Variants in SLC35F2 observed in about 807,000 individuals in gnomAD.
SLC35F2 encodes solute carrier family 35 member F2, also known as queuine/queuosine transporter SLC35F2.
Under a neutral mutation model 38.1 loss-of-function variants are expected in SLC35F2, and 25 were observed. The ratio of observed to expected loss-of-function variants is 0.66; its 90% CI spans 0.48 to 0.92. The LOEUF (loss-of-function observed/expected upper bound fraction) is 0.92, where lower values mean the gene tolerates loss of function less well. Ranked by LOEUF, SLC35F2 falls within the 40% of genes least tolerant of loss-of-function variation. The pLI is 0.00. For synonymous variants in SLC35F2, 173 were observed against 181.7 expected (o/e 0.95, Z 0.38); for missense variants, 409 against 452.9 (o/e 0.90, Z 0.88).
intron 1 of SLC35F2, among the ~76,000 whole-genome samples, chr11:107,820,378 A>G (rs1859649130): frequency 6.6e-6 from 1 of 151,994 alleles, no homozygotes; most frequent in South Asian, 2.1e-4. Context: ...TCAGAATTGC[A>G]GAACCTTGGC....
intron 7 of SLC35F2, among the ~76,000 whole-genome samples, chr11:107,801,003 C>T (rs965079945): frequency 6.7e-6 from 1 of 148,580 alleles, no homozygotes; most frequent in Non-Finnish European, 1.5e-5. Context: ...CTCTCAGGTT[C>T]AAGCGATTCT....
At position 107,810,699 on chromosome 11, in the gene SLC35F2, A is replaced by G. The variant is rs1176145338; in HGVS notation, c.414+968T>C. On this transcript the variant is annotated intron_variant, in intron 3 of 7. Transcript: ENST00000525815. ...AAAATCCAAGAGGTTTCCTGAGAAC[A>G]ATGCTTAGCACAATGTTACAGAAAA... is the stretch of plus-strand genomic sequence containing the variant. The G allele has an allele frequency of 3.0e-6, 3 of 983,766 alleles. No homozygotes were observed. In the South Asian group the frequency reaches 1.4e-4, roughly 46 times the overall value. 60.9% of individuals were successfully genotyped at this position (983,766 alleles called of 1,614,324 possible).
chr11:107,818,074 AAGAAAG>A (rs1859608372), intron 1 of SLC35F2, among the ~76,000 whole-genome samples: 1 of 67,594 alleles, frequency 1.5e-5, no homozygotes. Flanking sequence ...AAAAAAAAAA[AAGAAAG>A]AAAGAAAGAA....
intron 1 of SLC35F2, among the ~76,000 whole-genome samples, chr11:107,817,325 C>T (rs553253868): frequency 4.0e-5 from 6 of 151,568 alleles, no homozygotes; most frequent in Admixed American, 1.3e-4. Context: ...AAGAGCTGGA[C>T]GGGAAAGACT....
chr11:107,837,290 T>A (rs1591204377), intron 1 of SLC35F2, among the ~76,000 whole-genome samples: 1 of 152,174 alleles, frequency 6.6e-6, no homozygotes, highest in Non-Finnish European at 1.5e-5. Context: ...TCTGGCAGCA[T>A]TTAAGTCTTT....
chr11:107,798,265 A>C (rs540630333), intron 7 of SLC35F2, among the ~76,000 whole-genome samples: 1 of 152,284 alleles, frequency 6.6e-6, no homozygotes, highest in East Asian at 1.9e-4. Flanking sequence ...CAGTCTCCCA[A>C]AGTGCTGGGA....
At chr11:107,822,758 G>A (rs1859693552) in intron 1 of SLC35F2, among the ~76,000 whole-genome samples, 1 of 152,090 alleles carries the variant, frequency 6.6e-6, no homozygotes, top group African/African-American at 2.4e-5. Flanking sequence ...ACAATAAAAT[G>A]AGAAAGGGTT....
rs1859140643 is a variant in SLC35F2 at position 107,792,008 on chromosome 11, C to T, written c.*607G>A. 1 of 152,036 alleles carries T rather than the reference C, an allele frequency of 6.6e-6. No homozygotes were observed. The highest frequency in any genetic ancestry group is 2.4e-5 in the African/African-American group (1 of 41,366). 9.4% of individuals were successfully genotyped at this position (152,036 alleles called of 1,614,324 possible). On this transcript the variant is annotated 3_prime_UTR_variant, in exon 8 of 8. Transcript: ENST00000525815. Reference sequence around the variant, plus strand: ...ACAAAAAAACAATTGTGGGAAGGTTCCTAGGTTTACTGCACTCCAGTTTAA... The same window carrying T: ...ACAAAAAAACAATTGTGGGAAGGTTTCTAGGTTTACTGCACTCCAGTTTAA...
intron 1 of SLC35F2, among the ~76,000 whole-genome samples, chr11:107,856,706 T>A (rs982356848): frequency 7.0e-6 from 1 of 142,748 alleles, no homozygotes; most frequent in African/African-American, 2.7e-5. Flanking sequence ...GGAAGGAAGG[T>A]GACAGAATGA....
Position 107,836,063 on chromosome 11 carries a change from G to A in SLC35F2, c.111-20098C>T, listed in dbSNP as rs1049043653. On this transcript the variant is annotated intron_variant, in intron 1 of 7. Coordinates refer to ENST00000525815, the MANE Select transcript of SLC35F2 (RefSeq NM_017515.5). ...AGCATGAATGGAGCCTGAACATGCA[G>A]CTCATCCAAAGGAATCAGTATTTTT... Among the ~76,000 whole-genome samples the A allele has an allele frequency of 1.3e-4, 20 of 152,180 alleles. 1 individual carries two copies. Among genetic ancestry groups the A allele is most frequent in the African/African-American group, 4.3e-4 (18 of 41,444 alleles).
intron 1 of SLC35F2, among the ~76,000 whole-genome samples, chr11:107,841,182 G>A (rs1019084081): frequency 6.6e-6 from 1 of 152,150 alleles, no homozygotes; most frequent in Admixed American, 6.6e-5. Flanking sequence ...AATCCGTTAA[G>A]TTGCAATGTG....
Position 107,846,214 on chromosome 11 carries a change from G to GA in SLC35F2, c.110+12443dup, listed in dbSNP as rs34130706. Among the ~76,000 whole-genome samples the GA allele has an allele frequency of 7.5e-3, 1,090 of 144,374 alleles. 13 individuals are homozygous for GA. Among genetic ancestry groups the GA allele is most frequent in the African/African-American group, 0.025 (968 of 39,050 alleles). 94.7% of individuals were successfully genotyped at this position (144,374 alleles called of 152,430 possible). A position where few individuals can be genotyped will look rare whatever the true frequency, so the allele number is the denominator to read the frequency against. ...GGTTCCAGAGATATGATTGGTAACA[G>GA]AAAAAAAAAAATCACATGTGACAAC... On this transcript the variant is annotated intron_variant, in intron 1 of 7. Transcript: ENST00000525815.
chr11:107,816,272 G>A (rs1859572685), intron 1 of SLC35F2: 1 of 978,966 alleles, frequency 1.0e-6, no homozygotes. Flanking sequence ...GCGCACGTGT[G>A]TGTGTGTGTG....
intron 1 of SLC35F2, among the ~76,000 whole-genome samples, chr11:107,837,461 G>A (rs1343999645): frequency 6.6e-6 from 1 of 151,026 alleles, no homozygotes; most frequent in Non-Finnish European, 1.5e-5. Context: ...GCCGAGGCAG[G>A]TGGATCACTT....
chr11:107,804,474 C>T (rs928014330), intron 6 of SLC35F2, among the ~76,000 whole-genome samples: 1 of 152,270 alleles, frequency 6.6e-6, no homozygotes. Flanking sequence ...AATCTCCAGT[C>T]TTGTTCAGGA....
intron 7 of SLC35F2, among the ~76,000 whole-genome samples, chr11:107,793,653 G>A (rs1859168961): frequency 6.6e-6 from 1 of 152,052 alleles, no homozygotes; most frequent in Non-Finnish European, 1.5e-5. Flanking sequence ...AATTTATGGT[G>A]GACTGAGCAG....
chr11:107,850,256 C>G (rs774040158), intron 1 of SLC35F2, among the ~76,000 whole-genome samples: 4 of 152,148 alleles, frequency 2.6e-5, no homozygotes, highest in Admixed American at 6.6e-5. Context: ...GTGGTCATCA[C>G]AGTGATGTTT....
chr11:107,825,512 C>T (rs1291087818), intron 1 of SLC35F2, among the ~76,000 whole-genome samples: 1 of 152,104 alleles, frequency 6.6e-6, no homozygotes, highest in East Asian at 1.9e-4. Context: ...GCTGGGATTA[C>T]AGGCGCCTGC....
chr11:107,809,329 C>CA (rs61511493), intron 3 of SLC35F2, among the ~76,000 whole-genome samples: 447 of 96,082 alleles, frequency 4.7e-3, no homozygotes, highest in South Asian at 0.012. Flanking sequence ...ACTCAAAATA[C>CA]AAAAAAAAAA....
Sources: gnomAD v4.1 joint callset for allele counts (sites outside exome capture counted in the v4.1 genomes callset) on GRCh38, gnomAD v4.1.1 for gene constraint, MANE v1.5 for transcripts, NCBI Gene and HGNC (gene_info 2026-07-23, HGNC 2026-07-21) for gene names.